Variants in SHANK2 observed in about 807,000 individuals in gnomAD.
The protein encoded by SHANK2 is SH3 and multiple ankyrin repeat domains protein 2.
A neutral mutation model predicts 133.7 loss-of-function variants in SHANK2; 43 were observed. That is an observed-to-expected ratio of 0.32 (90% CI 0.25 to 0.41). The LOEUF is 0.41. Ranked by LOEUF, SHANK2 falls within the 10% of genes least tolerant of loss-of-function variation. SHANK2 has a pLI of 1.00. For missense variants in SHANK2, 1,994 were observed against 2,235.8 expected (o/e 0.89, Z 2.18); for synonymous variants, 1,017 against 952.8 (o/e 1.07, Z -1.24).
chr11:70,890,117 C>T (rs943815943), intron 11 of SHANK2, among the ~76,000 whole-genome samples: 3 of 152,144 alleles, frequency 2.0e-5, no homozygotes, highest in Non-Finnish European at 2.9e-5. Flanking sequence ...CATTATCTTC[C>T]ATGGTCATCC....
intron 9 of SHANK2, among the ~76,000 whole-genome samples, chr11:71,059,492 G>A (rs1003027808): frequency 0.2 from 30,548 of 152,176 alleles, 3,338 homozygotes; most frequent in Middle Eastern, 0.31. Flanking sequence ...TGTGTGAATT[G>A]CATCTCAATA....
intron 11 of SHANK2, among the ~76,000 whole-genome samples, chr11:70,838,655 T>C (rs558521441): frequency 6.6e-6 from 1 of 152,300 alleles, no homozygotes; most frequent in Admixed American, 6.5e-5. Context: ...CTATCTCTCC[T>C]GTGGAAGAAA....
intron 10 of SHANK2, chr11:70,950,235 G>T (rs1950812957): frequency 1.4e-4 from 59 of 423,156 alleles, no homozygotes; most frequent in South Asian, 9.9e-4. Context: ...GGAGTATAGT[G>T]GCAAGATCTC....
At chr11:70,837,218 C>T (rs1555060269) in intron 11 of SHANK2, among the ~76,000 whole-genome samples, 1 of 152,198 alleles carries the variant, frequency 6.6e-6, no homozygotes, top group Non-Finnish European at 1.5e-5. Flanking sequence ...GCCACTGCCC[C>T]CTTACAGGCC....
chr11:70,679,329 C>T (rs1348037773), intron 15 of SHANK2, among the ~76,000 whole-genome samples: 1 of 152,240 alleles, frequency 6.6e-6, no homozygotes, highest in Admixed American at 6.5e-5. Context: ...AGCTGGGCAT[C>T]CAACCCCCGA....
At chr11:70,637,298 A>T (rs868988199) in intron 17 of SHANK2, among the ~76,000 whole-genome samples, 3 of 152,158 alleles carry the variant, frequency 2.0e-5, no homozygotes, top group Non-Finnish European at 4.4e-5. Context: ...TCCTCTCTGC[A>T]GGATCCCAAA....
intron 2 of SHANK2, among the ~76,000 whole-genome samples, chr11:71,147,778 G>T (rs1211687084): frequency 1.3e-5 from 2 of 152,226 alleles, no homozygotes; most frequent in Non-Finnish European, 2.9e-5. Context: ...AGAAACATGG[G>T]CTTCAGGTCA....
chr11:70,952,047 G>A (rs4132533), intron 10 of SHANK2, among the ~76,000 whole-genome samples: 28,891 of 152,038 alleles, frequency 0.19, 2,879 homozygotes, highest in Middle Eastern at 0.3. Context: ...AATTTACGGG[G>A]CAAACGCTTT....
chr11:71,091,112 T>C (rs1555093913), intron 8 of SHANK2, among the ~76,000 whole-genome samples: 1 of 152,238 alleles, frequency 6.6e-6, no homozygotes, highest in Non-Finnish European at 1.5e-5. Context: ...ATTATTTTCC[T>C]TTTTCATAAA....
chr11:70,735,587 C>T (rs1237627360), intron 14 of SHANK2, among the ~76,000 whole-genome samples: 1 of 151,960 alleles, frequency 6.6e-6, no homozygotes, highest in Non-Finnish European at 1.5e-5. Context: ...GCCTGTAATC[C>T]CAGCTACTTG....
rs1209060583 is a variant in SHANK2, at chr11:71,126,155, T to C, written c.208-7123A>G. Among the ~76,000 whole-genome samples the C allele has an allele frequency of 3.7e-5, 5 of 135,818 alleles. No individual in the cohort carries two copies. In the South Asian group the frequency reaches 1.2e-3, roughly 32 times the overall value. 89.1% of individuals were successfully genotyped at this position (135,818 alleles called of 152,430 possible). On this transcript the variant is annotated intron_variant, in intron 3 of 25. Transcript: ENST00000601538. The stretch of plus-strand genomic sequence containing the variant: ...ATTGCTAGAACCCAGGAACAGGATG[T>C]TGCAGTGAGCCGAGATCATGCCACT...
At position 70,486,500 on chromosome 11, in the gene SHANK2, T is replaced by C; in HGVS notation, c.3793A>G (p.Thr1265Ala). 1 of 1,614,098 alleles carries C rather than the reference T, an allele frequency of 6.2e-7. No homozygotes were observed. Among genetic ancestry groups the C allele is most frequent in the Non-Finnish European group, 8.5e-7 (1 of 1,180,006 alleles). ...AGGGGTCCCCGGGTGTTCTGCCTGG[T>C]GACCGTAGGGAAGCCGGCATCCAGG... is the stretch of plus-strand genomic sequence containing the variant. ...PSLDAGFPTV[T>A]RQNTRGPLRR... Residue 1265 changes from threonine (T) to alanine (A), a missense_variant, in exon 25 of 26, where the codon ACC (threonine) becomes GCC (alanine). By Grantham distance (58) the Thr-to-Ala change is moderately conservative. Transcript: ENST00000601538. The surrounding 1 kb of genome is among the most constrained non-coding windows in gnomAD (Gnocchi z 8.0).
At chr11:70,881,886 AT>A (rs1388823430) in intron 11 of SHANK2, among the ~76,000 whole-genome samples, 1 of 151,692 alleles carries the variant, frequency 6.6e-6, no homozygotes, top group African/African-American at 2.4e-5. Context: ...TTATTTATTT[AT>A]TTTTTGTAGA....
Position 70,486,172 on chromosome 11 carries a change from G to T in SHANK2, c.4121C>A (p.Thr1374Asn), listed in dbSNP as rs1555153336. The T allele has an allele frequency of 6.2e-7, 1 of 1,613,670 alleles. No individual in the cohort carries two copies. The highest frequency in any genetic ancestry group is 2.2e-5 in the East Asian group (1 of 44,870). The change falls in exon 25 of 26, where the codon ACC becomes AAC. Residue 1374 changes from threonine to asparagine, a missense_variant. Physicochemically the swap from Thr to Asn is moderately conservative, Grantham distance 65 (BLOSUM62 0). Around this residue, in one of 5 missense-constraint regions of SHANK2, gnomAD observed 797 missense variants for 907.4 expected, o/e 0.88. Coordinates refer to ENST00000601538, the MANE Select transcript of SHANK2 (RefSeq NM_012309.5). This position sits in a 1 kb window ranked among gnomAD's most constrained non-coding sequence, Gnocchi z 8.0. ...TTCCATGGAGCCCACCGCGACGATG[G>T]TTCTGCCGGGCACGGTGGTGGGCTC... is the stretch of plus-strand genomic sequence containing the variant. Reference protein sequence around the residue: ...APEPTTVPGRTIVAVGSMEEA... With the variant: ...APEPTTVPGRNIVAVGSMEEA...
intron 10 of SHANK2, chr11:70,933,211 G>T (rs1555082812): frequency 4.4e-6 from 2 of 456,550 alleles, no homozygotes; most frequent in Non-Finnish European, 8.8e-6. Flanking sequence ...TCTGACACAG[G>T]CTACAACATG....
intron 15 of SHANK2, among the ~76,000 whole-genome samples, chr11:70,663,741 A>C (rs1944626309): frequency 1.3e-5 from 2 of 152,164 alleles, no homozygotes; most frequent in Admixed American, 1.3e-4. Flanking sequence ...ACTCGGTCAC[A>C]ACTGTGAGCC....
chr11:70,814,412 C>A (rs1948346399), intron 12 of SHANK2, among the ~76,000 whole-genome samples: 1 of 152,138 alleles, frequency 6.6e-6, no homozygotes, highest in African/African-American at 2.4e-5. Flanking sequence ...CCAGCCACCC[C>A]CACTTTCTAG....
chr11:70,909,556 C>T (rs558160447), intron 10 of SHANK2, among the ~76,000 whole-genome samples: 2 of 152,266 alleles, frequency 1.3e-5, no homozygotes, highest in African/African-American at 4.8e-5. Context: ...TGTCGTGATC[C>T]TTGTTCTGCA....
intron 2 of SHANK2, among the ~76,000 whole-genome samples, chr11:71,200,356 T>A (rs1161295024): frequency 6.6e-6 from 1 of 152,246 alleles, no homozygotes; most frequent in Non-Finnish European, 1.5e-5. Context: ...TGTTTATTTA[T>A]TACTCAGCTG....
Sources: allele counts gnomAD v4.1 joint callset (sites outside exome capture counted in the v4.1 genomes callset), GRCh38; gene constraint gnomAD v4.1.1; regional missense constraint gnomAD v4.1.1; non-coding constraint Gnocchi (gnomAD v3.1); transcripts MANE v1.5; gene names NCBI Gene and HGNC (gene_info 2026-07-23, HGNC 2026-07-21).